KDM4C: variants seen among roughly 807,000 people sequenced by gnomAD.
KDM4C encodes lysine demethylase 4C.
A neutral mutation model predicts 129.3 loss-of-function variants in KDM4C; 81 were observed. That is an observed-to-expected ratio of 0.63 (90% CI 0.52 to 0.75). KDM4C has a LOEUF of 0.75. KDM4C is among the 30% of genes least tolerant of loss of function. The pLI is 0.00. For missense variants in KDM4C, 1,457 were observed against 1,304.0 expected (o/e 1.12, Z -1.81); for synonymous variants, 573 against 456.1 (o/e 1.26, Z -3.26).
At chr9:7,064,196 C>T (rs997394534) in intron 17 of KDM4C, among the ~76,000 whole-genome samples, 4 of 151,930 alleles carry the variant, frequency 2.6e-5, no homozygotes, top group South Asian at 2.1e-4. Context: ...AACTGAGATA[C>T]GTTATAAGTG....
At chr9:6,894,779 A>G (rs1232140136) in intron 8 of KDM4C, among the ~76,000 whole-genome samples, 1 of 152,234 alleles carries the variant, frequency 6.6e-6, no homozygotes, top group Non-Finnish European at 1.5e-5. Flanking sequence ...GACAGAGCCC[A>G]TCACAGTTGT....
chr9:6,820,790 A>G (rs894779118), intron 4 of KDM4C, among the ~76,000 whole-genome samples: 36 of 148,708 alleles, frequency 2.4e-4, no homozygotes, highest in Non-Finnish European at 4.0e-4. Context: ...ATACATAGGT[A>G]TACATGTGCC....
At position 6,758,538 on chromosome 9, in the gene KDM4C, C is replaced by G. The variant is rs1400893394; in HGVS notation, c.-18+335C>G. Among the ~76,000 whole-genome samples, 3 of 60,046 alleles carry G rather than the reference C, an allele frequency of 5.0e-5. No individual in the cohort carries two copies. The highest frequency in any genetic ancestry group is 9.5e-5 in the Non-Finnish European group (3 of 31,746). The allele number at this position is 60,046 out of a possible 152,430, so 39.4% of individuals were successfully genotyped here. A position where few individuals can be genotyped will look rare whatever the true frequency, so the allele number is the denominator to read the frequency against. ...TCGGGCGGTCCTGGGATGCGGACCTCTTAACGCCGCCAGTCGGCTGTGGCG... is the reference window on the plus strand; with the variant it reads ...TCGGGCGGTCCTGGGATGCGGACCTGTTAACGCCGCCAGTCGGCTGTGGCG... On this transcript the variant is annotated intron_variant, in intron 1 of 21. Transcript: ENST00000381309. The surrounding 1 kb of genome is among the most constrained non-coding windows in gnomAD (Gnocchi z 4.6).
intron 8 of KDM4C, among the ~76,000 whole-genome samples, chr9:6,897,887 A>C (rs1455830207): frequency 6.6e-6 from 1 of 152,178 alleles, no homozygotes; most frequent in Non-Finnish European, 1.5e-5. Flanking sequence ...CTCGTTTAGC[A>C]GTTGAAATAA....
In KDM4C at chr9:6,880,108, G is replaced by T. The variant is rs1294735568; in HGVS notation, c.679+47G>T. The T allele has an allele frequency of 4.0e-6, 5 of 1,253,872 alleles. No individual in the cohort carries two copies. In the South Asian group the frequency reaches 5.4e-5, roughly 14 times the overall value. 77.7% of individuals were successfully genotyped at this position (1,253,872 alleles called of 1,614,324 possible). A position where few individuals can be genotyped will look rare whatever the true frequency, so the allele number is the denominator to read the frequency against. ...TGTTTTCTGTGTTTTATATGTTTCT[G>T]TGTTTTGTAGGTTCTTTGTTTTTGA... is the stretch of plus-strand genomic sequence containing the variant. On this transcript the variant is annotated intron_variant, in intron 6 of 21. Coordinates refer to ENST00000381309, the MANE Select transcript of KDM4C (RefSeq NM_015061.6).
intron 8 of KDM4C, among the ~76,000 whole-genome samples, chr9:6,911,843 G>T (rs927473104): frequency 6.6e-6 from 1 of 152,306 alleles, no homozygotes; most frequent in Admixed American, 6.5e-5. Flanking sequence ...CGGGGAGGTG[G>T]CAGGGACTGG....
intron 8 of KDM4C, among the ~76,000 whole-genome samples, chr9:6,944,652 GTTTTTTTTTTTT>G (rs1158199897): frequency 2.5e-5 from 2 of 80,996 alleles, no homozygotes; most frequent in African/African-American, 9.3e-5. Flanking sequence ...CAAGGTAGAG[GTTTTTTTTTTTT>G]TTTTTTTTTT....
At chr9:7,079,476 C>T (rs1250377119) in intron 17 of KDM4C, among the ~76,000 whole-genome samples, 2 of 152,292 alleles carry the variant, frequency 1.3e-5, no homozygotes, top group East Asian at 3.9e-4. Context: ...GTGCATGCCA[C>T]CACTCCCAGC....
intron 4 of KDM4C, among the ~76,000 whole-genome samples, chr9:6,826,608 G>A (rs1833924370): frequency 6.6e-6 from 1 of 152,172 alleles, no homozygotes; most frequent in African/African-American, 2.4e-5. Flanking sequence ...GCTTATGCCT[G>A]TGATCCCAGC....
chr9:6,901,363 G>T (rs1040735769), intron 8 of KDM4C, among the ~76,000 whole-genome samples: 1 of 152,140 alleles, frequency 6.6e-6, no homozygotes, highest in African/African-American at 2.4e-5. Flanking sequence ...TCTCAAAAGG[G>T]CTCTTACCTC....
intron 1 of KDM4C, among the ~76,000 whole-genome samples, chr9:6,735,462 A>G (rs569527206): frequency 6.6e-6 from 1 of 152,274 alleles, no homozygotes; most frequent in African/African-American, 2.4e-5. Context: ...ATTCCCACAT[A>G]TCATGGGAGG....
chr9:6,805,459 T>C lies in KDM4C; in HGVS notation c.145-140T>C, dbSNP rs556725624. The C allele has an allele frequency of 9.7e-6, 6 of 617,164 alleles. No individual in the cohort carries two copies. In the Admixed American group the frequency reaches 1.7e-4, roughly 17 times the overall value. 38.2% of individuals were successfully genotyped at this position (617,164 alleles called of 1,614,324 possible). ...ACATCATATTGCTTTATTGCAAATA[T>C]TCATCTTTTTTTTTTTTTTTTACAC... is the stretch of plus-strand genomic sequence containing the variant. On this transcript the variant is annotated intron_variant, in intron 2 of 21. Coordinates refer to ENST00000381309, the MANE Select transcript of KDM4C (RefSeq NM_015061.6).
chr9:7,068,419 A>G (rs1388749935), intron 17 of KDM4C, among the ~76,000 whole-genome samples: 3 of 152,178 alleles, frequency 2.0e-5, no homozygotes, highest in African/African-American at 4.8e-5. Flanking sequence ...GGTAGTGCCA[A>G]CGGTTTCTCA....
intron 19 of KDM4C, among the ~76,000 whole-genome samples, chr9:7,140,093 C>G (rs368757015): frequency 2.5e-4 from 38 of 152,294 alleles, no homozygotes; most frequent in African/African-American, 8.4e-4. Context: ...TATCCAGAAG[C>G]TGCTGCTCAC....
At chr9:7,022,899 A>G in intron 15 of KDM4C, among the ~76,000 whole-genome samples, 1 of 152,168 alleles carries the variant, frequency 6.6e-6, no homozygotes, top group East Asian at 1.9e-4. Flanking sequence ...CATCAATTGC[A>G]GTGATCATAC....
intron 8 of KDM4C, among the ~76,000 whole-genome samples, chr9:6,921,809 C>T (rs1401980675): frequency 1.3e-5 from 2 of 152,036 alleles, no homozygotes. Context: ...TCTTTGACTT[C>T]GAGTTTTACC....
chr9:7,105,223 T>G (rs4740872), intron 18 of KDM4C, among the ~76,000 whole-genome samples: 48,783 of 152,088 alleles, frequency 0.32, 8,158 homozygotes, highest in Middle Eastern at 0.5. Flanking sequence ...CATTAGAGGA[T>G]GTATATGAAT....
At chr9:6,932,744 A>T (rs1823981534) in intron 8 of KDM4C, among the ~76,000 whole-genome samples, 1 of 152,094 alleles carries the variant, frequency 6.6e-6, no homozygotes, top group Non-Finnish European at 1.5e-5. Flanking sequence ...AGGACATTTG[A>T]CCACGTTTAG....
chr9:6,804,795 T>C (rs953901797), intron 2 of KDM4C, among the ~76,000 whole-genome samples: 1 of 152,156 alleles, frequency 6.6e-6, no homozygotes, highest in East Asian at 1.9e-4. Flanking sequence ...ACTATGTATT[T>C]ACTTATTTTT....
Sources: gnomAD v4.1 joint callset for allele counts (sites outside exome capture counted in the v4.1 genomes callset) on GRCh38, gnomAD v4.1.1 for gene constraint, Gnocchi (gnomAD v3.1) non-coding constraint, MANE v1.5 for transcripts, NCBI Gene and HGNC (gene_info 2026-07-23, HGNC 2026-07-21) for gene names.